The following ARID1B variants were observed in gnomAD, a reference collection of about 807,000 sequenced individuals.
ARID1B encodes AT-rich interaction domain 1B.
A neutral mutation model predicts 212.3 loss-of-function variants in ARID1B; 30 were observed. The ratio of observed to expected loss-of-function variants is 0.14; its 90% CI spans 0.11 to 0.19. The LOEUF is 0.19. Among genes scored for constraint, ARID1B ranks in the 10% least tolerant of loss-of-function variants. ARID1B has a pLI of 1.00. For missense variants in ARID1B, 2,891 were observed against 3,204.0 expected, an observed-to-expected ratio of 0.90 and a Z score of 2.36; for synonymous variants, 1,402 against 1,301.7, an observed-to-expected ratio of 1.08 and a Z score of -1.66.
intron 2 of ARID1B, among the ~76,000 whole-genome samples, chr6:156,855,345 A>G (rs1407102075): frequency 6.6e-6 from 1 of 152,240 alleles, no homozygotes; most frequent in Admixed American, 6.5e-5. Flanking sequence ...CTTCAGCTAC[A>G]AAAATATTGT....
At chr6:156,895,478 T>C (rs187443732) in intron 2 of ARID1B, among the ~76,000 whole-genome samples, 1 of 152,234 alleles carries the variant, frequency 6.6e-6, no homozygotes, top group East Asian at 1.9e-4. Flanking sequence ...GAGCACCTGG[T>C]CTTGTAGTCA....
chr6:156,826,092 C>T (rs907784409), intron 1 of ARID1B, among the ~76,000 whole-genome samples: 2 of 151,204 alleles, frequency 1.3e-5, no homozygotes, highest in Admixed American at 6.6e-5. Flanking sequence ...TAAGTCCAAA[C>T]AATGTCTTGG....
intron 1 of ARID1B, among the ~76,000 whole-genome samples, chr6:156,797,140 A>G (rs1172339458): frequency 2.0e-5 from 3 of 152,118 alleles, no homozygotes; most frequent in African/African-American, 7.2e-5. Context: ...CTGGGTATCT[A>G]TTCAGTGCCT....
intron 4 of ARID1B, among the ~76,000 whole-genome samples, chr6:157,004,888 TTC>T (rs1482111613): frequency 2.1e-5 from 1 of 48,380 alleles, no homozygotes; most frequent in African/African-American, 1.1e-4. Flanking sequence ...CTTTTTCTTC[TTC>T]TTTTTTCTTT....
At chr6:157,167,361 A>C (rs1202139168) in intron 9 of ARID1B, 176 bp downstream of exon 9, 1 of 597,596 alleles carries the variant, frequency 1.7e-6, no homozygotes, top group Non-Finnish European at 2.7e-6. Flanking sequence ...CTTGAGAATT[A>C]CATTATATTT....
chr6:157,112,089 A>G (rs1383766866), intron 6 of ARID1B, among the ~76,000 whole-genome samples: 1 of 152,194 alleles, frequency 6.6e-6, no homozygotes, highest in African/African-American at 2.4e-5. Flanking sequence ...TCGAGGTTGC[A>G]ATGAGCTGTG....
intron 7 of ARID1B, among the ~76,000 whole-genome samples, chr6:157,142,097 C>T (rs1344952411): frequency 1.3e-5 from 2 of 152,150 alleles, no homozygotes; most frequent in Admixed American, 1.3e-4. Flanking sequence ...AGGCATAATG[C>T]TAAGAAGCCA....
intron 1 of ARID1B, among the ~76,000 whole-genome samples, chr6:156,799,142 G>A (rs1780599797): frequency 6.7e-6 from 1 of 149,492 alleles, no homozygotes; most frequent in Non-Finnish European, 1.5e-5. Flanking sequence ...GAAATCAATT[G>A]TTTTGCTGTT....
intron 6 of ARID1B, among the ~76,000 whole-genome samples, chr6:157,117,586 A>C (rs924562639): frequency 6.6e-6 from 1 of 152,188 alleles, no homozygotes; most frequent in African/African-American, 2.4e-5. Context: ...CTCGGTGTTC[A>C]TCCCCTGCCA....
chr6:156,836,046 TG>T lies in ARID1B; in HGVS notation c.1986+6627del, dbSNP rs1783487477. ...GCTTTCACCAAAGAAACATTAAGCATGGTATTTATGTTAAAACGTTAATAAT... is the reference window on the plus strand; with the variant it reads ...GCTTTCACCAAAGAAACATTAAGCATGTATTTATGTTAAAACGTTAATAAT... On this transcript the variant is annotated intron_variant, in intron 2 of 19. Transcript: ENST00000636930. 2.0e-5 allele frequency among the ~76,000 whole-genome samples: 3 copies of T among 152,344 alleles called. No homozygotes were observed. The South Asian group carries it at 6.2e-4, about 32-fold the overall frequency.
At chr6:156,878,273 C>G (rs543504208) in intron 2 of ARID1B, among the ~76,000 whole-genome samples, 2 of 152,136 alleles carry the variant, frequency 1.3e-5, no homozygotes, top group South Asian at 4.2e-4. Flanking sequence ...AAGACCGAGT[C>G]TAGCCAATTC....
intron 1 of ARID1B, chr6:156,780,455 T>G (rs1470046119): frequency 6.6e-6 from 1 of 152,294 alleles, no homozygotes; most frequent in Non-Finnish European, 1.5e-5. Flanking sequence ...AAGACTGACT[T>G]GATCTCCTTT....
In ARID1B at chr6:156,977,787, T is replaced by C. The variant is rs370469466; in HGVS notation, c.2247+42211T>C. Among the ~76,000 whole-genome samples the C allele has an allele frequency of 6.0e-4, 92 of 152,342 alleles. 1 individual carries two copies. In the South Asian group the frequency reaches 0.015, roughly 25 times the overall value. On this transcript the variant is annotated intron_variant, in intron 4 of 19. Coordinates refer to ENST00000636930, the MANE Select transcript of ARID1B (RefSeq NM_001374828.1). ...TGTTGATGACTGGGTATCTTTCTTT[T>C]TATTCCTATAAACATCCTTGAACTT... is the stretch of plus-strand genomic sequence containing the variant.
chr6:156,929,515 T>C (rs1356542880), intron 3 of ARID1B, among the ~76,000 whole-genome samples: 1 of 152,130 alleles, frequency 6.6e-6, no homozygotes, highest in Non-Finnish European at 1.5e-5. Flanking sequence ...TTGGAATTGG[T>C]GATAGGGAAT....
intron 1 of ARID1B, among the ~76,000 whole-genome samples, chr6:156,789,780 T>A (rs1198211205): frequency 6.6e-6 from 1 of 152,226 alleles, no homozygotes; most frequent in African/African-American, 2.4e-5. Flanking sequence ...GCAAGTCACT[T>A]CGCTTCTCTG....
chr6:156,925,838 C>G (rs1310395388), intron 3 of ARID1B, among the ~76,000 whole-genome samples: 1 of 152,144 alleles, frequency 6.6e-6, no homozygotes, highest in Non-Finnish European at 1.5e-5. Flanking sequence ...ATGGCACATG[C>G]AAGAGACCCA....
chr6:157,122,797 G>A (rs991628850), intron 6 of ARID1B, among the ~76,000 whole-genome samples: 3 of 152,094 alleles, frequency 2.0e-5, no homozygotes, highest in Non-Finnish European at 2.9e-5. Flanking sequence ...TCCTGCCTCA[G>A]CCTCCCAAGT....
intron 4 of ARID1B, among the ~76,000 whole-genome samples, chr6:157,081,838 T>C (rs1430055515): frequency 6.6e-6 from 1 of 152,246 alleles, no homozygotes; most frequent in East Asian, 1.9e-4. Context: ...TTAACTACAA[T>C]AGATGATTTT....
At chr6:156,979,302 A>G (rs1416700246) in intron 4 of ARID1B, among the ~76,000 whole-genome samples, 3 of 152,214 alleles carry the variant, frequency 2.0e-5, no homozygotes, top group East Asian at 3.8e-4. Flanking sequence ...GTCAGGTTCC[A>G]GTGAATCTTG....
Sources: allele counts gnomAD v4.1 joint callset (sites outside exome capture counted in the v4.1 genomes callset), GRCh38; gene constraint gnomAD v4.1.1; transcripts MANE v1.5; gene names NCBI Gene and HGNC (gene_info 2026-07-23, HGNC 2026-07-21).